The following RNGTT variants were observed in gnomAD, a reference collection of about 807,000 sequenced individuals.
RNGTT encodes the protein mRNA-capping enzyme.
A neutral mutation model predicts 79.3 loss-of-function variants in RNGTT; 33 were observed. The observed-to-expected ratio is 0.42, with a 90% CI of 0.32 to 0.56. RNGTT has a LOEUF of 0.56. Among genes scored for constraint, RNGTT ranks in the 20% least tolerant of loss-of-function variants. RNGTT has a pLI of 0.17. For synonymous variants in RNGTT, 222 were observed against 235.9 expected, an observed-to-expected ratio of 0.94 and a Z score of 0.54; for missense variants, 497 against 739.1, an observed-to-expected ratio of 0.67 and a Z score of 3.80.
chr6:88,733,127 G>A (rs1777167995), intron 13 of RNGTT, among the ~76,000 whole-genome samples: 1 of 152,190 alleles, frequency 6.6e-6, no homozygotes, highest in Non-Finnish European at 1.5e-5. Flanking sequence ...GGAAGGCCAA[G>A]CTGGGTGGGG....
At chr6:88,671,868 AC>A (rs1774653986) in intron 14 of RNGTT, among the ~76,000 whole-genome samples, 1 of 152,134 alleles carries the variant, frequency 6.6e-6, no homozygotes. Context: ...GCTGAGATTC[AC>A]CTAATTCAAC....
At chr6:88,721,327 T>G (rs919278002) in intron 13 of RNGTT, among the ~76,000 whole-genome samples, 2 of 152,130 alleles carry the variant, frequency 1.3e-5, no homozygotes, top group Non-Finnish European at 2.9e-5. Context: ...TTATAATATT[T>G]ATTACATTTT....
chr6:88,801,671 T>C, intron 11 of RNGTT, 39 bp from the exon 12 acceptor site: 1 of 1,314,470 alleles, frequency 7.6e-7, no homozygotes, highest in East Asian at 2.5e-5. Flanking sequence ...AAAAATATAA[T>C]AATCACTTTA....
At chr6:88,881,190 T>G (rs1344808825) in intron 8 of RNGTT, among the ~76,000 whole-genome samples, 4 of 152,124 alleles carry the variant, frequency 2.6e-5, no homozygotes, top group Non-Finnish European at 5.9e-5. Context: ...TTGGCAGCTT[T>G]CAACAAAATT....
At chr6:88,725,278 A>G (rs1776852546) in intron 13 of RNGTT, among the ~76,000 whole-genome samples, 1 of 152,174 alleles carries the variant, frequency 6.6e-6, no homozygotes, top group Non-Finnish European at 1.5e-5. Flanking sequence ...CAACGTGGAA[A>G]GAAACTGGCC....
chr6:88,785,779 A>AT (rs1779210670), intron 12 of RNGTT, among the ~76,000 whole-genome samples: 1 of 152,176 alleles, frequency 6.6e-6, no homozygotes, highest in South Asian at 2.1e-4. Context: ...TCCAATTTTC[A>AT]TTTTACAATC....
chr6:88,629,231 A>C (rs545595619), intron 14 of RNGTT, among the ~76,000 whole-genome samples: 3 of 152,156 alleles, frequency 2.0e-5, no homozygotes, highest in Non-Finnish European at 4.4e-5. Flanking sequence ...AATATACAAA[A>C]ATTTTACTGA....
At chr6:88,876,665 C>T (rs1782529144) in intron 8 of RNGTT, among the ~76,000 whole-genome samples, 2 of 152,192 alleles carry the variant, frequency 1.3e-5, no homozygotes, top group African/African-American at 4.8e-5. Flanking sequence ...TCTCTTTATC[C>T]TGTATTCCTT....
Position 88,610,868 on chromosome 6 carries a change from C to T in RNGTT, c.*1851G>A, listed in dbSNP as rs575841742. ...CAAAAGGGCTCTGCCTTTCCACAGG[C>T]TCGGAGGGAAAGCAGCACACCGTGG... On this transcript the variant is annotated 3_prime_UTR_variant, in exon 16 of 16. Transcript: ENST00000369485. 2.0e-5 allele frequency: 3 copies of T among 152,294 alleles called. No individual in the cohort carries two copies. The South Asian group carries it at 6.2e-4, about 32-fold the overall frequency. The allele number at this position is 152,294 out of a possible 1,614,324, so 9.4% of individuals were successfully genotyped here.
intron 14 of RNGTT, among the ~76,000 whole-genome samples, chr6:88,673,493 T>C (rs747614244): frequency 1.3e-5 from 2 of 152,204 alleles, no homozygotes; most frequent in African/African-American, 2.4e-5. Flanking sequence ...TTAATATGCA[T>C]GTAATTTGGT....
chr6:88,887,028 T>C (rs138298631), intron 8 of RNGTT, among the ~76,000 whole-genome samples: 7 of 93,264 alleles, frequency 7.5e-5, no homozygotes, highest in Admixed American at 2.9e-4. Context: ...CTGAGCAACA[T>C]AGCAAAACAC....
chr6:88,851,540 C>G (rs1781672750), intron 9 of RNGTT, among the ~76,000 whole-genome samples: 1 of 151,980 alleles, frequency 6.6e-6, no homozygotes, highest in Non-Finnish European at 1.5e-5. Flanking sequence ...TTATCTTAGT[C>G]TCAATATTAA....
chr6:88,711,953 ACAAT>A (rs1475484285), intron 13 of RNGTT, among the ~76,000 whole-genome samples: 4 of 152,252 alleles, frequency 2.6e-5, no homozygotes, highest in Non-Finnish European at 5.9e-5. Context: ...TACTGGGAAA[ACAAT>A]CTAACTAGGT....
chr6:88,814,360 A>G (rs1780246184), intron 11 of RNGTT, among the ~76,000 whole-genome samples: 1 of 152,190 alleles, frequency 6.6e-6, no homozygotes, highest in Admixed American at 6.5e-5. Flanking sequence ...ACTTTCTAAA[A>G]CAAACAATTT....
At chr6:88,950,311 C>T (rs1785199819) in intron 1 of RNGTT, among the ~76,000 whole-genome samples, 1 of 152,188 alleles carries the variant, frequency 6.6e-6, no homozygotes, top group South Asian at 2.1e-4. Context: ...AACATAGCAG[C>T]CCATGGATCA....
intron 14 of RNGTT, among the ~76,000 whole-genome samples, chr6:88,654,124 C>G (rs1212845868): frequency 6.6e-6 from 1 of 151,720 alleles, no homozygotes; most frequent in Admixed American, 6.6e-5. Context: ...AGCAGTAATC[C>G]CAAAATGCTC....
At position 88,610,233 on chromosome 6, in the gene RNGTT, A is replaced by G. The variant is rs1771973639; in HGVS notation, c.*2486T>C. On this transcript the variant is annotated 3_prime_UTR_variant, in exon 16 of 16. Coordinates refer to ENST00000369485, the MANE Select transcript of RNGTT (RefSeq NM_003800.5). ...GTGATGCCAGCAATAGAAGGGACAC[A>G]AGAGTATCACCAGTAAAACAAAGTA... 6.5e-6 allele frequency: 1 copy of G among 152,676 alleles called. No individual in the cohort carries two copies. The highest frequency in any genetic ancestry group is 1.5e-5 in the Non-Finnish European group (1 of 68,052). 9.5% of individuals were successfully genotyped at this position (152,676 alleles called of 1,614,324 possible).
chr6:88,657,650 GA>G (rs1253510463), intron 14 of RNGTT, among the ~76,000 whole-genome samples: 2 of 152,124 alleles, frequency 1.3e-5, no homozygotes, highest in African/African-American at 2.4e-5. Context: ...TCAGTGGAGA[GA>G]CTTGTAGCTT....
intron 14 of RNGTT, among the ~76,000 whole-genome samples, chr6:88,675,797 A>T (rs1227061774): frequency 6.6e-6 from 1 of 151,660 alleles, no homozygotes; most frequent in Non-Finnish European, 1.5e-5. Context: ...CAGGGTGAGT[A>T]AAAAAAAATT....
Sources: gnomAD v4.1 joint callset for allele counts (sites outside exome capture counted in the v4.1 genomes callset) on GRCh38, gnomAD v4.1.1 for gene constraint, MANE v1.5 for transcripts, NCBI Gene and HGNC (gene_info 2026-07-23, HGNC 2026-07-21) for gene names.